Variants in CFHR2 observed in about 807,000 individuals in gnomAD.
CFHR2 encodes the protein complement factor H related 2.
A neutral mutation model predicts 21.7 loss-of-function variants in CFHR2; 22 were observed. That is an observed-to-expected ratio of 1.01 (90% CI 0.72 to 1.45). The LOEUF (loss-of-function observed/expected upper bound fraction) is 1.45. CFHR2 is among the 40% of genes most tolerant of loss of function. The pLI is 0.00. For missense variants in CFHR2, 294 were observed against 293.3 expected, an observed-to-expected ratio of 1.00 and a Z score of -0.02; for synonymous variants, 98 against 97.4, an observed-to-expected ratio of 1.01 and a Z score of -0.04.
At chr1:196,953,978 A>T (rs1359593) in intron 3 of CFHR2, among the ~76,000 whole-genome samples, 40,321 of 152,142 alleles carry the variant, frequency 0.27, 6,353 homozygotes, top group East Asian at 0.71. Flanking sequence ...ACATATTCAT[A>T]TACATAACTA....
At chr1:196,947,161 G>A (rs1183156686) in intron 1 of CFHR2, among the ~76,000 whole-genome samples, 1 of 151,048 alleles carries the variant, frequency 6.6e-6, no homozygotes, top group Non-Finnish European at 1.5e-5. Flanking sequence ...GTGTATCCCA[G>A]AAGAAATATA....
chr1:196,957,151 C>G (rs1383554828), intron 3 of CFHR2, among the ~76,000 whole-genome samples: 1 of 152,024 alleles, frequency 6.6e-6, no homozygotes, highest in African/African-American at 2.4e-5. Context: ...AAAGTAGGCT[C>G]TTCTGGGGAT....
chr1:196,949,634 A>T lies in CFHR2; in HGVS notation c.238A>T (p.Thr80Ser). The change falls in exon 2 of 5, where the codon ACA (threonine) becomes TCA (serine). Residue 80 changes from threonine (T) to serine (S), a missense_variant. Coordinates refer to ENST00000367415, the MANE Select transcript of CFHR2 (RefSeq NM_005666.4). ...ITCAEEGWSP[T>S]PKCLRLCFFP... ...GTGCGCAGAAGAAGGATGGTCACCA[A>T]CACCAAAGTGTCTCAGTGAGTAAAT... 1 of 1,613,892 alleles carries T rather than the reference A, an allele frequency of 6.2e-7. No individual in the cohort carries two copies. Among genetic ancestry groups the T allele is most frequent in the Non-Finnish European group, 8.5e-7 (1 of 1,179,822 alleles).
chr1:196,948,283 A>ATT lies in CFHR2; in HGVS notation c.59-1165_59-1164dup, dbSNP rs71286569. 7.6e-3 allele frequency among the ~76,000 whole-genome samples: 1,150 copies of ATT among 151,548 alleles called. 18 individuals carry two copies. The highest frequency in any genetic ancestry group is 0.027 in the African/African-American group (1,097 of 41,292). Reference sequence around the variant, plus strand: ...AAACAATTTATTTTATTTTATTTTAATTTTTTTTGAGGTAGAGTCTTGCTC... The same window carrying ATT: ...AAACAATTTATTTTATTTTATTTTAATTTTTTTTTTGAGGTAGAGTCTTGCTC... On this transcript the variant is annotated intron_variant, in intron 1 of 4. Coordinates refer to ENST00000367415, the MANE Select transcript of CFHR2 (RefSeq NM_005666.4).
chr1:196,950,089 A>G (rs1659668940), intron 2 of CFHR2, among the ~76,000 whole-genome samples: 1 of 152,186 alleles, frequency 6.6e-6, no homozygotes, highest in African/African-American at 2.4e-5. Flanking sequence ...AAGTGTAGCT[A>G]TATTAACCCT....
At chr1:196,956,012 A>T (rs1297303848) in intron 3 of CFHR2, among the ~76,000 whole-genome samples, 1 of 152,182 alleles carries the variant, frequency 6.6e-6, no homozygotes, top group Non-Finnish European at 1.5e-5. Flanking sequence ...CCAAACACTT[A>T]TAAAACCATC....
intron 1 of CFHR2, among the ~76,000 whole-genome samples, chr1:196,946,527 T>C (rs1196880739): frequency 6.6e-6 from 1 of 152,204 alleles, no homozygotes; most frequent in Non-Finnish European, 1.5e-5. Context: ...TATAAGCTTT[T>C]ATCTTTTAAA....
At chr1:196,957,008 G>A (rs1038220052) in intron 3 of CFHR2, among the ~76,000 whole-genome samples, 3 of 152,162 alleles carry the variant, frequency 2.0e-5, no homozygotes, top group Non-Finnish European at 2.9e-5. Flanking sequence ...AGGTTCCTCA[G>A]TTGACCTCTG....
At position 196,949,536 on chromosome 1, in the gene CFHR2, C is replaced by T. The variant is rs777460690; in HGVS notation, c.140C>T (p.Thr47Ile). 1.9e-6 allele frequency: 3 copies of T among 1,613,880 alleles called. No individual in the cohort carries two copies. The highest frequency in any genetic ancestry group is 1.3e-5 in the African/African-American group (1 of 74,920). The change falls in exon 2 of 5, where the codon ACA becomes ATA. Residue 47 changes from threonine (T) to isoleucine (I), a missense_variant. Thr to Ile is a moderately conservative substitution (Grantham distance 89, BLOSUM62 -1). Transcript: ENST00000367415. The part of the protein sequence containing the change: ...EKYKPFSQVP[T>I]GEVFYYSCEY... ...TATAAGCCATTTTCCCAAGTTCCTA[C>T]AGGGGAAGTTTTCTATTACTCCTGT... is the stretch of plus-strand genomic sequence containing the variant.
chr1:196,957,816 G>A, intron 3 of CFHR2, 75 bp from the exon 4 acceptor site: 1 of 1,312,562 alleles, frequency 7.6e-7, no homozygotes, highest in Admixed American at 1.8e-5. Flanking sequence ...ACTATAAAGT[G>A]CCTTGTTTGC....
At chr1:196,952,684 C>CA (rs1000693047) in intron 3 of CFHR2, among the ~76,000 whole-genome samples, 11 of 152,252 alleles carry the variant, frequency 7.2e-5, no homozygotes, top group African/African-American at 2.6e-4. Context: ...CTTTGTGACA[C>CA]AAAAAATATC....
intron 4 of CFHR2, among the ~76,000 whole-genome samples, chr1:196,958,449 A>G (rs1424427187): frequency 6.6e-6 from 1 of 151,714 alleles, no homozygotes; most frequent in East Asian, 1.9e-4. Context: ...GAGGACTCTT[A>G]AAATCTGCTC....
Position 196,958,985 on chromosome 1 carries a change from G to C in CFHR2, c.718G>C (p.Val240Leu). 1 of 1,611,922 alleles carries C rather than the reference G, an allele frequency of 6.2e-7. No homozygotes were observed. The highest frequency in any genetic ancestry group is 8.5e-7 in the Non-Finnish European group (1 of 1,178,520). ...YSRTGDIVEFVCKSGYHPTKS... is the reference protein window; with the variant it reads ...YSRTGDIVEFLCKSGYHPTKS... ...AAGAACAGGTGACATAGTTGAATTTGTTTGTAAATCTGGATATCATCCAAC... is the reference window on the plus strand; with the variant it reads ...AAGAACAGGTGACATAGTTGAATTTCTTTGTAAATCTGGATATCATCCAAC... Residue 240 changes from valine (V) to leucine (L), a missense_variant, in exon 5 of 5, where the codon GTT (valine) becomes CTT (leucine). By Grantham distance (32) the Val-to-Leu change is conservative (BLOSUM62 1). Coordinates refer to ENST00000367415, the MANE Select transcript of CFHR2 (RefSeq NM_005666.4).
intron 1 of CFHR2, among the ~76,000 whole-genome samples, chr1:196,946,721 A>T (rs980474781): frequency 2.0e-5 from 3 of 152,194 alleles, no homozygotes; most frequent in Non-Finnish European, 2.9e-5. Context: ...ATGATAACAA[A>T]GGTTTCTTCT....
chr1:196,953,011 T>C (rs1652680483), intron 3 of CFHR2, among the ~76,000 whole-genome samples: 1 of 152,128 alleles, frequency 6.6e-6, no homozygotes, highest in African/African-American at 2.4e-5. Context: ...ATGTCCAAGG[T>C]TGAATGGTAG....
chr1:196,955,341 A>G (rs1035754462), intron 3 of CFHR2, among the ~76,000 whole-genome samples: 3 of 152,168 alleles, frequency 2.0e-5, no homozygotes, highest in Admixed American at 6.5e-5. Context: ...GGTCAAAACC[A>G]TTGAACAAGT....
intron 1 of CFHR2, among the ~76,000 whole-genome samples, chr1:196,945,269 G>A (rs1440466666): frequency 5.4e-5 from 8 of 149,132 alleles, no homozygotes; most frequent in Non-Finnish European, 1.5e-5. Flanking sequence ...TCTTAAGTCT[G>A]TGTTTATGGT....
chr1:196,958,183 A>T (rs1402781020), intron 4 of CFHR2, 110 bp downstream of exon 4: 2 of 1,084,420 alleles, frequency 1.8e-6, no homozygotes, highest in Non-Finnish European at 2.7e-6. Context: ...ATTCTGCTGA[A>T]TGCTTGCCTA....
intron 3 of CFHR2, among the ~76,000 whole-genome samples, chr1:196,951,936 G>T (rs1046400554): frequency 1.3e-5 from 2 of 152,004 alleles, no homozygotes; most frequent in African/African-American, 4.8e-5. Flanking sequence ...TAGTCATCAC[G>T]GTCATGTGCT....
Sources: allele counts gnomAD v4.1 joint callset (sites outside exome capture counted in the v4.1 genomes callset), GRCh38; gene constraint gnomAD v4.1.1; transcripts MANE v1.5; gene names NCBI Gene and HGNC (gene_info 2026-07-23, HGNC 2026-07-21).